WNT9B: variants seen among roughly 807,000 people sequenced by gnomAD.
WNT9B encodes the protein Wnt family member 9B.
Under a neutral mutation model 30.2 loss-of-function variants are expected in WNT9B, and 12 were observed. That is an observed-to-expected ratio of 0.40 (90% confidence interval 0.26 to 0.64). The LOEUF is 0.64. Ranked by LOEUF, WNT9B falls within the 30% of genes least tolerant of loss-of-function variation. The pLI is 0.42. For synonymous variants in WNT9B, 218 were observed against 216.9 expected (o/e 1.01, Z -0.05); for missense variants, 442 against 485.2 (o/e 0.91, Z 0.84).
rs1485827223 is a variant in WNT9B at position 46,871,118 on chromosome 17, A to T, written c.78-1399A>T. Among the ~76,000 whole-genome samples the T allele has an allele frequency of 2.0e-5, 3 of 151,854 alleles. No individual in the cohort carries two copies. The East Asian group carries it at 5.8e-4, about 29-fold the overall frequency. ...TAGAGACAGGGTTTTGCTGTCACAC[A>T]GGCTGCTCTCAAACTCCTGGACTCA... On this transcript the variant is annotated intron_variant, in intron 1 of 3. Transcript: ENST00000290015.
At chr17:46,858,323 T>A (rs1013856943) in intron 1 of WNT9B, among the ~76,000 whole-genome samples, 1 of 152,200 alleles carries the variant, frequency 6.6e-6, no homozygotes. Context: ...CTTATTGATG[T>A]CTTATGAAGA....
At chr17:46,853,942 G>A (rs1171439034) in intron 1 of WNT9B, among the ~76,000 whole-genome samples, 1 of 152,092 alleles carries the variant, frequency 6.6e-6, no homozygotes, top group Non-Finnish European at 1.5e-5. Flanking sequence ...AATTTTGAGG[G>A]AACTGAGCAT....
intron 1 of WNT9B, among the ~76,000 whole-genome samples, chr17:46,842,216 C>T (rs932945704): frequency 5.3e-5 from 8 of 152,154 alleles, no homozygotes; most frequent in Non-Finnish European, 1.0e-4. Context: ...TTTCTTCAGG[C>T]GCAAACTGGG....
intron 1 of WNT9B, among the ~76,000 whole-genome samples, chr17:46,852,389 AGTGTGTGTGTGT>A (rs61138160): frequency 0.13 from 13,562 of 105,312 alleles, 938 homozygotes; most frequent in African/African-American, 0.2. Context: ...GAGAGGGCCC[AGTGTGTGTGTGT>A]GTGTGTGTGT....
intron 1 of WNT9B, among the ~76,000 whole-genome samples, chr17:46,863,328 T>C (rs1404956308): frequency 1.3e-5 from 2 of 152,140 alleles, no homozygotes; most frequent in East Asian, 3.9e-4. Context: ...AGGGGCATAA[T>C]ATGCAGCCAG....
rs932280179 is a variant in WNT9B at position 46,851,772 on chromosome 17, C to A, written c.77+57C>A. On this transcript the variant is annotated intron_variant, in intron 1 of 3. Coordinates refer to ENST00000290015, the MANE Select transcript of WNT9B (RefSeq NM_003396.3). This position sits in a 1 kb window ranked among gnomAD's most constrained non-coding sequence, Gnocchi z 4.3. ...CCGGCCTGCCTGTCTCTCCCTCCTGCGCTACAGCTGGGCCAATTTTTCCCT... is the reference window on the plus strand; with the variant it reads ...CCGGCCTGCCTGTCTCTCCCTCCTGAGCTACAGCTGGGCCAATTTTTCCCT... 4 of 938,812 alleles carry A rather than the reference C, an allele frequency of 4.3e-6. No individual in the cohort carries two copies. The highest frequency in any genetic ancestry group is 3.3e-5 in the East Asian group (1 of 30,054). The allele number at this position is 938,812 out of a possible 1,614,324, so 58.2% of individuals were successfully genotyped here.
At chr17:46,884,310 C>T (rs2085462852), downstream of WNT9B, among the ~76,000 whole-genome samples, 1 of 152,202 alleles carries the variant, frequency 6.6e-6, no homozygotes, top group African/African-American at 2.4e-5. Flanking sequence ...TCTGAAATTG[C>T]TTTCTCTGCC....
At chr17:46,868,834 C>T (rs1029734899) in intron 1 of WNT9B, among the ~76,000 whole-genome samples, 3 of 152,182 alleles carry the variant, frequency 2.0e-5, no homozygotes, top group Non-Finnish European at 2.9e-5. Flanking sequence ...GACCTCTGAG[C>T]AGGCTGAAGC....
At chr17:46,833,558 C>T (rs144643426) in intron 1 of WNT9B, 16 of 398,794 alleles carry the variant, frequency 4.0e-5, no homozygotes, top group African/African-American at 2.1e-4. Flanking sequence ...TGAGCTCAAA[C>T]TCAAACCCCA....
intron 1 of WNT9B, among the ~76,000 whole-genome samples, chr17:46,838,932 A>AAGTGG: frequency 6.6e-6 from 1 of 151,930 alleles, no homozygotes; most frequent in Non-Finnish European, 1.5e-5. Context: ...GGCTGGAGTG[A>AAGTGG]AGTGGAGTGA....
rs2085384182 is a variant in WNT9B, at chr17:46,878,760, T to C, written c.*2042T>C. Among the ~76,000 whole-genome samples the C allele has an allele frequency of 2.6e-5, 4 of 152,180 alleles. No homozygotes were observed. In the South Asian group the frequency reaches 8.3e-4, roughly 31 times the overall value. ...GCCAGAGCACCCTGATCCACCAACA[T>C]GCCACCTGCATTCTGACTTCATGGC... On this transcript the variant is annotated 3_prime_UTR_variant, in exon 4 of 4. Coordinates refer to ENST00000290015, the MANE Select transcript of WNT9B (RefSeq NM_003396.3).
intron 1 of WNT9B, among the ~76,000 whole-genome samples, chr17:46,852,358 CAGG>C (rs1287714310): frequency 6.7e-6 from 1 of 149,764 alleles, no homozygotes; most frequent in African/African-American, 2.5e-5. Flanking sequence ...GGTGATTTCT[CAGG>C]AGAACACTGG....
intron 1 of WNT9B, among the ~76,000 whole-genome samples, chr17:46,835,025 CGCTCTGTTGTCCAGGCTG>C (rs2084609702): frequency 6.6e-6 from 1 of 152,144 alleles, no homozygotes; most frequent in Admixed American, 6.5e-5. Context: ...GACAGGATCT[CGCTCTGTTGTCCAGGCTG>C]CAGCGCAGTA....
upstream of WNT9B, among the ~76,000 whole-genome samples, chr17:46,850,469 C>T (rs548138843): frequency 6.6e-6 from 1 of 152,280 alleles, no homozygotes; most frequent in African/African-American, 2.4e-5. Flanking sequence ...CTCTCTCAGC[C>T]CCCTACCATG....
At chr17:46,884,327 C>T (rs535587611), downstream of WNT9B, among the ~76,000 whole-genome samples, 1 of 152,212 alleles carries the variant, frequency 6.6e-6, no homozygotes, top group African/African-American at 2.4e-5. Context: ...TGCCCAGAGG[C>T]GGGAGATGTC....
At chr17:46,852,518 C>A (rs2084870709) in intron 1 of WNT9B, among the ~76,000 whole-genome samples, 1 of 150,436 alleles carries the variant, frequency 6.6e-6, no homozygotes, top group African/African-American at 2.4e-5. Context: ...GGGGAGAGAG[C>A]CGGACAGGAA....
chr17:46,833,374 C>T, exon 1 of WNT9B: 1 of 518,604 alleles, frequency 1.9e-6, no homozygotes, highest in Non-Finnish European at 3.8e-6. Context: ...TCTTTTGATC[C>T]TCTGGCATGC....
At chr17:46,847,773 C>T (rs545121994), upstream of WNT9B, among the ~76,000 whole-genome samples, 7 of 152,304 alleles carry the variant, frequency 4.6e-5, no homozygotes, top group East Asian at 1.4e-3. Context: ...TGGGAAGCCG[C>T]ATTTCCACTT....
upstream of WNT9B, among the ~76,000 whole-genome samples, chr17:46,848,454 C>T (rs1287153560): frequency 6.6e-6 from 1 of 152,198 alleles, no homozygotes; most frequent in Non-Finnish European, 1.5e-5. Context: ...TTCAGGAGCC[C>T]ACAGGGCAGA....
Sources: gnomAD v4.1 joint callset for allele counts (sites outside exome capture counted in the v4.1 genomes callset) on GRCh38, gnomAD v4.1.1 for gene constraint, Gnocchi (gnomAD v3.1) non-coding constraint, MANE v1.5 for transcripts, NCBI Gene and HGNC (gene_info 2026-07-23, HGNC 2026-07-21) for gene names.